Variants in PSPC1 observed in about 807,000 individuals in gnomAD.
PSPC1 encodes paraspeckle component 1.
In PSPC1, 14 loss-of-function variants were observed where a neutral mutation model predicts 51.6. The observed-to-expected ratio is 0.27, with a 90% CI of 0.18 to 0.42. The LOEUF (loss-of-function observed/expected upper bound fraction) is 0.42. Among genes scored for constraint, PSPC1 ranks in the 10% least tolerant of loss-of-function variants. The probability of loss-of-function intolerance (pLI) is 1.00; values close to 1 mark genes in which losing one functional copy is unlikely to be tolerated. For missense variants in PSPC1, 406 were observed against 701.1 expected (o/e 0.58, Z 4.75); for synonymous variants, 193 against 231.9 (o/e 0.83, Z 1.53).
intron 5 of PSPC1, among the ~76,000 whole-genome samples, chr13:19,730,891 G>A (rs954156976): frequency 2.0e-5 from 3 of 148,482 alleles, no homozygotes; most frequent in African/African-American, 7.5e-5. Context: ...AGGTTGCAGT[G>A]AGCGGAGATC....
Position 19,724,759 on chromosome 13 carries a change from G to C in PSPC1, c.1158+5480C>G, listed in dbSNP as rs150479726. Among the ~76,000 whole-genome samples, 693 of 152,244 alleles carry C rather than the reference G, an allele frequency of 4.6e-3. 5 individuals carry two copies. Among genetic ancestry groups the C allele is most frequent in the South Asian group, 0.027 (128 of 4,822 alleles). On this transcript the variant is annotated intron_variant, in intron 6 of 8. Transcript: ENST00000338910. ...TCATACATGTAATCCCACCACTTTGGGAGGCCGAGCGGGCGGATCACCTGA... is the reference window on the plus strand; with the variant it reads ...TCATACATGTAATCCCACCACTTTGCGAGGCCGAGCGGGCGGATCACCTGA...
In PSPC1 at chr13:19,733,966, A is replaced by G. The variant is rs558115568; in HGVS notation, c.1053-3622T>C. 1.3e-3 allele frequency among the ~76,000 whole-genome samples: 197 copies of G among 152,076 alleles called. 1 individual carries two copies. Among genetic ancestry groups the G allele is most frequent in the African/African-American group, 4.5e-3 (185 of 41,506 alleles). On this transcript the variant is annotated intron_variant, in intron 5 of 8. Coordinates refer to ENST00000338910, the MANE Select transcript of PSPC1 (RefSeq NM_001354909.2). ...AGATTCTGTCTAAAAAATAAAATAA[A>G]AATGATTTTTAAAACCATAGAAGAG...
chr13:19,764,168 G>C (rs1887843446), intron 2 of PSPC1, among the ~76,000 whole-genome samples: 1 of 152,092 alleles, frequency 6.6e-6, no homozygotes. Context: ...TATTGCAGAA[G>C]AAACAAGGCC....
chr13:19,773,518 G>A (rs1454124706), intron 1 of PSPC1, among the ~76,000 whole-genome samples: 5 of 152,126 alleles, frequency 3.3e-5, no homozygotes, highest in African/African-American at 9.6e-5. Context: ...GATTACAGGC[G>A]TGAGCCACCG....
intron 5 of PSPC1, among the ~76,000 whole-genome samples, chr13:19,733,820 G>A (rs1884437997): frequency 1.3e-5 from 2 of 150,838 alleles, no homozygotes. Context: ...AGGTATGGTG[G>A]CACACGCTTG....
At chr13:19,725,235 C>T (rs1172233521) in intron 6 of PSPC1, among the ~76,000 whole-genome samples, 1 of 152,128 alleles carries the variant, frequency 6.6e-6, no homozygotes, top group Non-Finnish European at 1.5e-5. Flanking sequence ...TGACTCTTTA[C>T]CATTTCTTCC....
At chr13:19,736,451 AG>A (rs1280460283) in intron 5 of PSPC1, among the ~76,000 whole-genome samples, 1 of 152,070 alleles carries the variant, frequency 6.6e-6, no homozygotes, top group Non-Finnish European at 1.5e-5. Flanking sequence ...TGGGAGGCCG[AG>A]GCGGGCGGAT....
intron 5 of PSPC1, among the ~76,000 whole-genome samples, chr13:19,731,414 GTT>G (rs1884100087): frequency 6.6e-6 from 1 of 151,772 alleles, no homozygotes; most frequent in South Asian, 2.1e-4. Context: ...TGGATTTGTT[GTT>G]GTTGTTGTTG....
At chr13:19,745,263 G>A (rs1885848422) in intron 4 of PSPC1, among the ~76,000 whole-genome samples, 1 of 152,178 alleles carries the variant, frequency 6.6e-6, no homozygotes, top group South Asian at 2.1e-4. Flanking sequence ...AGGTTGCAGT[G>A]AGCAGAGATT....
intron 2 of PSPC1, among the ~76,000 whole-genome samples, chr13:19,765,338 A>ATTATTATT (rs1566044396): frequency 2.1e-5 from 3 of 141,722 alleles, no homozygotes; most frequent in African/African-American, 8.3e-5. Flanking sequence ...TAATAATAAT[A>ATTATTATT]ATAATAATTA....
chr13:19,743,274 GTCTAAAGT>G, intron 4 of PSPC1, among the ~76,000 whole-genome samples: 1 of 152,126 alleles, frequency 6.6e-6, no homozygotes, highest in Non-Finnish European at 1.5e-5. Flanking sequence ...TATCTGAAAT[GTCTAAAGT>G]GAACAAATTA....
At chr13:19,769,768 T>C (rs1888445811) in intron 2 of PSPC1, among the ~76,000 whole-genome samples, 1 of 151,618 alleles carries the variant, frequency 6.6e-6, no homozygotes, top group African/African-American at 2.4e-5. Flanking sequence ...ATAAAAATAA[T>C]AAAAATAAAA....
intron 5 of PSPC1, among the ~76,000 whole-genome samples, chr13:19,733,885 T>C (rs1593653816): frequency 6.6e-6 from 1 of 151,632 alleles, no homozygotes; most frequent in Non-Finnish European, 1.5e-5. Context: ...CCCCATAAGG[T>C]GAGACTGCGG....
Position 19,772,364 on chromosome 13 carries a change from T to C in PSPC1, c.552A>G (p.Lys184=), listed in dbSNP as rs1468465339. The change falls in exon 2 of 9, where the codon AAA becomes AAG. Residue 184 remains lysine (K), a synonymous_variant. Transcript: ENST00000338910. ...QAFSQFGPVE[K]AVVVVDDRGR... ...CGCGATCATCCACAACCACAACAGCTTTCTCTACTGGACCAAACTGAGAAA... is the reference window on the plus strand; with the variant it reads ...CGCGATCATCCACAACCACAACAGCCTTCTCTACTGGACCAAACTGAGAAA... The C allele has an allele frequency of 6.2e-7, 1 of 1,614,234 alleles. No homozygotes were observed.
At chr13:19,678,926 G>T (rs1876971434) in intron 6 of PSPC1, 1 of 152,004 alleles carries the variant, frequency 6.6e-6, no homozygotes, top group Admixed American at 6.6e-5. Flanking sequence ...CCAGCTAGTT[G>T]TATTTTTTGT....
chr13:19,677,534 C>A (rs1351470711), intron 7 of PSPC1, among the ~76,000 whole-genome samples: 1 of 152,140 alleles, frequency 6.6e-6, no homozygotes, highest in Non-Finnish European at 1.5e-5. Flanking sequence ...CGAAGACAGG[C>A]CAAGCTATAG....
intron 7 of PSPC1, among the ~76,000 whole-genome samples, chr13:19,677,165 A>G (rs935745891): frequency 1.3e-3 from 193 of 151,198 alleles, no homozygotes; most frequent in Non-Finnish European, 2.1e-3. Context: ...CCCGGGAGGC[A>G]GAGCTTGCAG....
At chr13:19,677,770 A>T (rs1876830944) in exon 7 of PSPC1, 1 of 485,202 alleles carries the variant, frequency 2.1e-6, no homozygotes, top group Non-Finnish European at 4.2e-6. Context: ...ACTCTTCTGA[A>T]TTACACTGCA....
chr13:19,681,747 A>G (rs1331773937), intron 6 of PSPC1, among the ~76,000 whole-genome samples: 2 of 152,202 alleles, frequency 1.3e-5, no homozygotes, highest in Non-Finnish European at 2.9e-5. Flanking sequence ...CACCAGAGAA[A>G]TCTTATACCG....
Sources: gnomAD v4.1 joint callset for allele counts (sites outside exome capture counted in the v4.1 genomes callset) on GRCh38, gnomAD v4.1.1 for gene constraint, MANE v1.5 for transcripts, NCBI Gene and HGNC (gene_info 2026-07-23, HGNC 2026-07-21) for gene names.